Variants in CTNNA3 observed in about 807,000 individuals in gnomAD.
CTNNA3 encodes catenin alpha-3.
CTNNA3 carries 76 observed loss-of-function variants against 95.7 expected under a neutral mutation model. The ratio of observed to expected loss-of-function variants is 0.79; its 90% CI spans 0.66 to 0.96. The LOEUF is 0.96. CTNNA3 is among the 40% of genes least tolerant of loss of function. The pLI is 0.00. For synonymous variants in CTNNA3, 431 were observed against 374.4 expected (o/e 1.15, Z -1.74); for missense variants, 1,191 against 1,089.8 (o/e 1.09, Z -1.31).
chr10:66,150,147 G>A (rs1472506926), intron 13 of CTNNA3, among the ~76,000 whole-genome samples: 5 of 152,236 alleles, frequency 3.3e-5, no homozygotes, highest in Admixed American at 6.6e-5. Flanking sequence ...GGGGAACCCC[G>A]TGGGAGGTGA....
chr10:66,243,533 G>A lies in CTNNA3; in HGVS notation c.1884+36937C>T, dbSNP rs755716166. ...AGATAAATTCTTTCAACCAATTGCC[G>A]AACAGAAAATACTTGAATCCATCTA... is the stretch of plus-strand genomic sequence containing the variant. On this transcript the variant is annotated intron_variant, in intron 13 of 17. Transcript: ENST00000433211. Among the ~76,000 whole-genome samples, 12 of 152,124 alleles carry A rather than the reference G, an allele frequency of 7.9e-5. No individual in the cohort carries two copies. In the East Asian group the frequency reaches 1.2e-3, roughly 15 times the overall value.
intron 8 of CTNNA3, among the ~76,000 whole-genome samples, chr10:66,768,517 G>T (rs4508091): frequency 0.85 from 129,387 of 152,184 alleles, 55,292 homozygotes; most frequent in East Asian, 1. Flanking sequence ...ATATATCTCT[G>T]TGTTAATGCT....
chr10:67,141,316 A>T (rs1860552688), intron 7 of CTNNA3, among the ~76,000 whole-genome samples: 1 of 151,092 alleles, frequency 6.6e-6, no homozygotes, highest in Non-Finnish European at 1.5e-5. Context: ...TTTTTTTTAC[A>T]AGCAAGTGCT....
At position 66,427,933 on chromosome 10, in the gene CTNNA3, C is replaced by T. The variant is rs531824004; in HGVS notation, c.1532-48581G>A. Among the ~76,000 whole-genome samples, 8 of 152,126 alleles carry T rather than the reference C, an allele frequency of 5.3e-5. No homozygotes were observed. The South Asian group carries it at 8.3e-4, about 16-fold the overall frequency. The stretch of plus-strand genomic sequence containing the variant: ...ACCTTAAACGTAAATGGACTAAATG[C>T]TCCAATTAAAAGACACAGACTGGCA... On this transcript the variant is annotated intron_variant, in intron 11 of 17. Coordinates refer to ENST00000433211, the MANE Select transcript of CTNNA3 (RefSeq NM_013266.4).
At chr10:66,026,153 C>G (rs2079329910) in intron 15 of CTNNA3, among the ~76,000 whole-genome samples, 1 of 152,164 alleles carries the variant, frequency 6.6e-6, no homozygotes, top group South Asian at 2.1e-4. Flanking sequence ...AGCTCTGTCA[C>G]TGAATGTCTG....
intron 7 of CTNNA3, among the ~76,000 whole-genome samples, chr10:67,032,711 T>C (rs1357111535): frequency 6.6e-6 from 1 of 152,210 alleles, no homozygotes; most frequent in Non-Finnish European, 1.5e-5. Flanking sequence ...CTTCATTATA[T>C]AATATCCTGT....
intron 15 of CTNNA3, among the ~76,000 whole-genome samples, chr10:66,051,398 G>C (rs1291143045): frequency 6.6e-6 from 1 of 152,226 alleles, no homozygotes; most frequent in African/African-American, 2.4e-5. Flanking sequence ...CCTGGACTTC[G>C]TTCCACTGCC....
At chr10:65,960,095 T>C (rs2077812297) in intron 17 of CTNNA3, among the ~76,000 whole-genome samples, 1 of 152,238 alleles carries the variant, frequency 6.6e-6, no homozygotes, top group African/African-American at 2.4e-5. Context: ...AGTGCTCATA[T>C]CTTAATTTTA....
chr10:67,291,210 A>G (rs985377487), intron 5 of CTNNA3, among the ~76,000 whole-genome samples: 3 of 152,178 alleles, frequency 2.0e-5, no homozygotes, highest in African/African-American at 7.2e-5. Context: ...AAAAGAAAAT[A>G]ATACATGTAC....
intron 13 of CTNNA3, among the ~76,000 whole-genome samples, chr10:66,115,999 T>A (rs10996909): frequency 0.46 from 69,227 of 151,580 alleles, 17,485 homozygotes; most frequent in African/African-American, 0.69. Context: ...CACTGCTAAA[T>A]TAAAGTAGCT....
chr10:67,496,630 T>C (rs1304991493), intron 5 of CTNNA3, among the ~76,000 whole-genome samples: 1 of 152,196 alleles, frequency 6.6e-6, no homozygotes, highest in Non-Finnish European at 1.5e-5. Flanking sequence ...AGTTATAATT[T>C]TGAGAGCATG....
At chr10:67,633,123 A>G (rs1044598065) in intron 2 of CTNNA3, among the ~76,000 whole-genome samples, 1 of 152,038 alleles carries the variant, frequency 6.6e-6, no homozygotes, top group African/African-American at 2.4e-5. Context: ...TTATAGCCAG[A>G]CTGATTCTTT....
chr10:67,400,908 A>G (rs1284122637), intron 5 of CTNNA3, among the ~76,000 whole-genome samples: 1 of 152,186 alleles, frequency 6.6e-6, no homozygotes, highest in African/African-American at 2.4e-5. Flanking sequence ...AAACTCTATC[A>G]ATTAAAAAAC....
intron 17 of CTNNA3, among the ~76,000 whole-genome samples, chr10:65,947,448 C>G (rs899413662): frequency 6.6e-6 from 1 of 152,058 alleles, no homozygotes; most frequent in Non-Finnish European, 1.5e-5. Flanking sequence ...ATAATAATCA[C>G]AAATATTTAA....
intron 10 of CTNNA3, among the ~76,000 whole-genome samples, chr10:66,539,423 G>A (rs1841771511): frequency 6.6e-6 from 1 of 152,150 alleles, no homozygotes; most frequent in East Asian, 1.9e-4. Context: ...GTGGAGGAAT[G>A]AGTCTTGACA....
intron 3 of CTNNA3, among the ~76,000 whole-genome samples, chr10:67,543,389 A>G (rs748899183): frequency 3.9e-5 from 6 of 152,076 alleles, no homozygotes; most frequent in Non-Finnish European, 8.8e-5. Flanking sequence ...GGCCAAATAC[A>G]CATATTACCA....
intron 10 of CTNNA3, among the ~76,000 whole-genome samples, chr10:66,542,900 A>C (rs940106538): frequency 6.6e-6 from 1 of 152,178 alleles, no homozygotes; most frequent in Non-Finnish European, 1.5e-5. Flanking sequence ...AAATATATAC[A>C]TTAAAAAAAT....
At chr10:65,980,866 A>T (rs913800975) in intron 16 of CTNNA3, among the ~76,000 whole-genome samples, 2 of 152,124 alleles carry the variant, frequency 1.3e-5, no homozygotes, top group East Asian at 3.9e-4. Context: ...GCCATCTATG[A>T]CAAACCCACA....
chr10:66,266,766 C>T lies in CTNNA3; in HGVS notation c.1884+13704G>A, dbSNP rs150742131. Among the ~76,000 whole-genome samples the T allele has an allele frequency of 1.1e-4, 16 of 152,034 alleles. No homozygotes were observed. In the East Asian group the frequency reaches 2.1e-3, roughly 20 times the overall value. On this transcript the variant is annotated intron_variant, in intron 13 of 17. Transcript: ENST00000433211. ...CATTGCAAATACAAAAACGCTTGTT[C>T]CAAATACAAGCCTCATTTTTTTCTA...
Sources: allele counts gnomAD v4.1 joint callset (sites outside exome capture counted in the v4.1 genomes callset), GRCh38; gene constraint gnomAD v4.1.1; transcripts MANE v1.5; gene names NCBI Gene and HGNC (gene_info 2026-07-23, HGNC 2026-07-21).